YBX1: variants seen among roughly 807,000 people sequenced by gnomAD.
YBX1 encodes Y-box-binding protein 1.
YBX1 carries 3 observed loss-of-function variants against 41.4 expected under a neutral mutation model. That is an observed-to-expected ratio of 0.07 (90% confidence interval 0.03 to 0.19). The LOEUF is 0.19. YBX1 is among the 10% of genes least tolerant of loss of function. The pLI, the probability that YBX1 is intolerant of heterozygous loss-of-function variation, is 1.00. For missense variants in YBX1, 274 were observed against 462.8 expected (o/e 0.59, Z 3.74); for synonymous variants, 133 against 165.8 (o/e 0.80, Z 1.52).
chr1:42,692,492 T>C (rs989205815), intron 2 of YBX1, among the ~76,000 whole-genome samples: 1 of 152,342 alleles, frequency 6.6e-6, no homozygotes, highest in South Asian at 2.1e-4. Context: ...AATGTTCTTA[T>C]AATAATCCAA....
At chr1:42,690,334 A>G (rs1650298883) in intron 2 of YBX1, among the ~76,000 whole-genome samples, 1 of 150,630 alleles carries the variant, frequency 6.6e-6, no homozygotes, top group Non-Finnish European at 1.5e-5. Flanking sequence ...TAAGTTTTCC[A>G]TTTTCTTAAC....
intron 3 of YBX1, among the ~76,000 whole-genome samples, chr1:42,695,749 G>A (rs1196460336): frequency 6.6e-5 from 10 of 152,006 alleles, no homozygotes; most frequent in African/African-American, 2.4e-4. Context: ...AGTTTGATAC[G>A]GTAACACAGG....
At chr1:42,697,002 T>C (rs977281133) in intron 5 of YBX1, 58 bp downstream of exon 5, 18 of 1,495,634 alleles carry the variant, frequency 1.2e-5, no homozygotes, top group Non-Finnish European at 1.6e-5. Flanking sequence ...TGTTTAGAGC[T>C]GTTAATTATA....
At position 42,696,511 on chromosome 1, in the gene YBX1, GCCC is replaced by G. The variant is rs34273075; in HGVS notation, c.355-122_355-120del. The G allele has an allele frequency of 6.4e-6, 3 of 468,952 alleles. No individual in the cohort carries two copies. Among genetic ancestry groups the G allele is most frequent in the Non-Finnish European group, 1.0e-5 (3 of 295,928 alleles). The allele number at this position is 468,952 out of a possible 1,614,324, so 29.0% of individuals were successfully genotyped here. Reference sequence around the variant, plus strand: ...TGTGCACCCCTGGTCACGCAGTTGCGCCCCCCCCCCCTTTTTTTTCCTTAACTT... The same window carrying G: ...TGTGCACCCCTGGTCACGCAGTTGCGCCCCCCCCTTTTTTTTCCTTAACTT... On this transcript the variant is annotated intron_variant, in intron 4 of 7. Transcript: ENST00000321358. The surrounding 1 kb of genome is among the most constrained non-coding windows in gnomAD (Gnocchi z 5.7).
chr1:42,697,294 A>G, intron 6 of YBX1, 32 bp downstream of exon 6: 1 of 1,606,184 alleles, frequency 6.2e-7, no homozygotes, highest in Non-Finnish European at 8.5e-7. Flanking sequence ...TTCTATTAAA[A>G]TTTCCTCAAA....
In YBX1 at chr1:42,683,069, A is replaced by G. The variant is rs1003617212; in HGVS notation, c.167-334A>G. 6.2e-5 allele frequency: 30 copies of G among 483,082 alleles called. No individual in the cohort carries two copies. In the Admixed American group the frequency reaches 7.8e-4, roughly 13 times the overall value. 29.9% of individuals were successfully genotyped at this position (483,082 alleles called of 1,614,324 possible). On this transcript the variant is annotated intron_variant, in intron 1 of 7. Coordinates refer to ENST00000321358, the MANE Select transcript of YBX1 (RefSeq NM_004559.5). ...GCCGTTGTTCGCGTCACCCCCACCC[A>G]GCTCCCTTCCGCGTGTGCTCGGAGG... is the stretch of plus-strand genomic sequence containing the variant.
rs1318232154 is a variant in YBX1 at position 42,694,788 on chromosome 1, ATTC to A, written c.264+1268_264+1270del. Among the ~76,000 whole-genome samples, 4 of 152,316 alleles carry A rather than the reference ATTC, an allele frequency of 2.6e-5. No homozygotes were observed. The East Asian group carries it at 7.7e-4, about 29-fold the overall frequency. On this transcript the variant is annotated intron_variant, in intron 3 of 7. Coordinates refer to ENST00000321358, the MANE Select transcript of YBX1 (RefSeq NM_004559.5). ...AAAGTAGATGTTTTATAAAATTGGT[ATTC>A]TTGTTTGGAAGAACACAGCTCAACT... is the stretch of plus-strand genomic sequence containing the variant.
chr1:42,682,956 G>C (rs921913329), intron 1 of YBX1: 1 of 144,892 alleles, frequency 6.9e-6, no homozygotes, highest in Non-Finnish European at 1.5e-5. Flanking sequence ...GCGGCCGCGC[G>C]CCCCTCCCCC....
intron 2 of YBX1, among the ~76,000 whole-genome samples, chr1:42,687,306 T>TG: frequency 6.6e-6 from 1 of 152,254 alleles, no homozygotes; most frequent in South Asian, 2.1e-4. Context: ...TTTCTTGAGA[T>TG]GGAGTTTCAC....
In YBX1 at chr1:42,702,926, G is replaced by C. The variant is rs1162104774; in HGVS notation, c.*977G>C. Among the ~76,000 whole-genome samples the C allele has an allele frequency of 7.9e-5, 12 of 152,096 alleles. No homozygotes were observed. The highest frequency in any genetic ancestry group is 2.9e-5 in the Non-Finnish European group (2 of 68,010). ...ACACCTTAAATCCTAAGCCTAGTCT[G>C]GCTGATCTTTTCTCTTTTTGAGACG... On this transcript the variant is annotated 3_prime_UTR_variant, in exon 8 of 8. Transcript: ENST00000321358.
chr1:42,688,151 C>T (rs747359244), intron 2 of YBX1, among the ~76,000 whole-genome samples: 4 of 152,172 alleles, frequency 2.6e-5, no homozygotes, highest in Non-Finnish European at 5.9e-5. Flanking sequence ...ATCCTTTACT[C>T]TTGAAATCTA....
At chr1:42,687,979 C>G (rs1650239091) in intron 2 of YBX1, among the ~76,000 whole-genome samples, 1 of 152,116 alleles carries the variant, frequency 6.6e-6, no homozygotes, top group African/African-American at 2.4e-5. Context: ...TAAAGACAAA[C>G]ATCAATGACA....
Position 42,696,800 on chromosome 1 carries a change from C to T in YBX1, c.513C>T (p.Asn171=), listed in dbSNP as rs749934800. Reference sequence around the variant, plus strand: ...AGAATAGTGAGAGTGGGGAAAAGAACGAGGGATCGGAGAGTGCTCCCGAAG... The same window carrying T: ...AGAATAGTGAGAGTGGGGAAAAGAATGAGGGATCGGAGAGTGCTCCCGAAG... ...NYQNSESGEK[N]EGSESAPEGQ... Residue 171 remains asparagine, a synonymous_variant, in exon 5 of 8, where the codon AAC becomes AAT. Coordinates refer to ENST00000321358, the MANE Select transcript of YBX1 (RefSeq NM_004559.5). This position sits in a 1 kb window ranked among gnomAD's most constrained non-coding sequence, Gnocchi z 5.7. The T allele has an allele frequency of 2.9e-5, 47 of 1,613,378 alleles. No individual in the cohort carries two copies. The highest frequency in any genetic ancestry group is 3.8e-5 in the Non-Finnish European group (45 of 1,179,708).
rs1301614382 is a variant in YBX1, at chr1:42,703,391, C to T, written c.*1442C>T. 6.6e-6 allele frequency among the ~76,000 whole-genome samples: 1 copy of T among 151,994 alleles called. No individual in the cohort carries two copies. Among genetic ancestry groups the T allele is most frequent in the Non-Finnish European group, 1.5e-5 (1 of 68,016 alleles). On this transcript the variant is annotated 3_prime_UTR_variant, in exon 8 of 8. Coordinates refer to ENST00000321358, the MANE Select transcript of YBX1 (RefSeq NM_004559.5). ...AGGGGTCGGGAGTAGGCCAGAGTGG[C>T]ACATCAGGAATCCTGCAGTGCTGTG...
At chr1:42,701,300 C>T (rs967497136) in intron 7 of YBX1, among the ~76,000 whole-genome samples, 2 of 152,096 alleles carry the variant, frequency 1.3e-5, no homozygotes, top group Non-Finnish European at 2.9e-5. Context: ...GTATTTTGAA[C>T]TATTAGTGCT....
chr1:42,703,018 T>C lies in YBX1; in HGVS notation c.*1069T>C, dbSNP rs1650643163. Among the ~76,000 whole-genome samples the C allele has an allele frequency of 6.6e-6, 1 of 152,146 alleles. No individual in the cohort carries two copies. Among genetic ancestry groups the C allele is most frequent in the Non-Finnish European group, 1.5e-5 (1 of 67,988 alleles). ...CTTGGCTCACTGCAACCTCCACCTCTAGGTTTAAGCGATTCTCCTGCCTCG... is the reference window on the plus strand; with the variant it reads ...CTTGGCTCACTGCAACCTCCACCTCCAGGTTTAAGCGATTCTCCTGCCTCG... On this transcript the variant is annotated 3_prime_UTR_variant, in exon 8 of 8. Transcript: ENST00000321358.
intron 3 of YBX1, among the ~76,000 whole-genome samples, chr1:42,694,737 G>T (rs572780950): frequency 9.8e-5 from 15 of 152,290 alleles, no homozygotes; most frequent in African/African-American, 2.9e-4. Context: ...ATAAATACAG[G>T]ACTACTTCAG....
In YBX1 at chr1:42,682,684, G is replaced by A. The variant is rs1650065709; in HGVS notation, c.119G>A (p.Gly40Asp). The A allele has an allele frequency of 2.4e-6, 3 of 1,271,288 alleles. No individual in the cohort carries two copies. Among genetic ancestry groups the A allele is most frequent in the African/African-American group, 1.6e-5 (1 of 64,136 alleles). The allele number at this position is 1,271,288 out of a possible 1,614,324, so 78.8% of individuals were successfully genotyped here. A position where few individuals can be genotyped will look rare whatever the true frequency, so the allele number is the denominator to read the frequency against. The stretch of plus-strand genomic sequence containing the variant: ...AGCGGCGCAGGGAGCGGTGGCCCGG[G>A]CGGCCTCACATCGGCGGCGCCTGCC... The part of the protein sequence containing the change: ...TGSGAGSGGP[G>D]GLTSAAPAGG... Residue 40 changes from glycine to aspartate, a missense_variant, in exon 1 of 8, where the codon GGC becomes GAC. Physicochemically the swap from Gly to Asp is moderately conservative, Grantham distance 94. Transcript: ENST00000321358.
intron 7 of YBX1, among the ~76,000 whole-genome samples, chr1:42,701,713 C>T (rs1650605919): frequency 1.3e-5 from 2 of 152,154 alleles, no homozygotes; most frequent in African/African-American, 4.8e-5. Flanking sequence ...CATTAGCTCA[C>T]TTGTTTTTAT....
Sources: gnomAD v4.1 joint callset for allele counts (sites outside exome capture counted in the v4.1 genomes callset) on GRCh38, gnomAD v4.1.1 for gene constraint, Gnocchi (gnomAD v3.1) non-coding constraint, MANE v1.5 for transcripts, NCBI Gene and HGNC (gene_info 2026-07-23, HGNC 2026-07-21) for gene names.